The following DPYS variants were observed in gnomAD, a reference collection of about 807,000 sequenced individuals.
The protein encoded by DPYS is dihydropyrimidine amidohydrolase.
DPYS carries 39 observed loss-of-function variants against 50.3 expected under a neutral mutation model. The ratio of observed to expected loss-of-function variants is 0.78; its 90% CI spans 0.60 to 1.01. DPYS has a LOEUF of 1.01. Among genes scored for constraint, DPYS ranks in the 50% least tolerant of loss-of-function variants. The probability of loss-of-function intolerance (pLI) is 0.00; values close to 1 mark genes in which losing one functional copy is unlikely to be tolerated. For synonymous variants in DPYS, 245 were observed against 250.7 expected (o/e 0.98, Z 0.22); for missense variants, 659 against 680.9 (o/e 0.97, Z 0.36).
chr8:104,389,546 T>TTA (rs10658511), intron 8 of DPYS, among the ~76,000 whole-genome samples: 7,190 of 152,036 alleles, frequency 0.047, 458 homozygotes, highest in African/African-American at 0.15. Context: ...TTTATTTTTT[T>TTA]TTTTTTGTCT....
At chr8:104,427,224 T>G (rs1198426749) in intron 6 of DPYS, among the ~76,000 whole-genome samples, 1 of 147,194 alleles carries the variant, frequency 6.8e-6, no homozygotes, top group African/African-American at 2.5e-5. Flanking sequence ...AAAAAAGAAC[T>G]GACATCAACA....
intron 4 of DPYS, among the ~76,000 whole-genome samples, chr8:104,433,987 C>T (rs1813041880): frequency 6.6e-6 from 1 of 152,130 alleles, no homozygotes; most frequent in Non-Finnish European, 1.5e-5. Context: ...TAACCAATGG[C>T]CTATGACACA....
chr8:104,416,938 C>T (rs1462398131), intron 7 of DPYS, among the ~76,000 whole-genome samples: 3 of 152,038 alleles, frequency 2.0e-5, no homozygotes, highest in Non-Finnish European at 4.4e-5. Flanking sequence ...ACAAAAGGCC[C>T]CCTCTAGAAT....
At chr8:104,448,892 A>G (rs931995326) in intron 2 of DPYS, among the ~76,000 whole-genome samples, 1 of 152,102 alleles carries the variant, frequency 6.6e-6, no homozygotes, top group African/African-American at 2.4e-5. Flanking sequence ...GGTGCTTATC[A>G]CCCGGCATAG....
rs375569674 is a variant in DPYS at position 104,441,298 on chromosome 8, T to C, written c.793+2950A>G. 1.6e-4 allele frequency among the ~76,000 whole-genome samples: 24 copies of C among 152,280 alleles called. No homozygotes were observed. The East Asian group carries it at 4.0e-3, about 26-fold the overall frequency. ...AATGTCCCAAAAATTACATATGCAA[T>C]TTGAACCAGCAATCCCACTTCTAGG... On this transcript the variant is annotated intron_variant, in intron 4 of 9. Transcript: ENST00000351513.
intron 8 of DPYS, among the ~76,000 whole-genome samples, chr8:104,389,074 T>G (rs1564078947): frequency 6.6e-6 from 1 of 152,242 alleles, no homozygotes; most frequent in African/African-American, 2.4e-5. Flanking sequence ...GATGCTGCTC[T>G]GAAGGAACTA....
At chr8:104,448,266 C>T (rs948548101) in intron 2 of DPYS, among the ~76,000 whole-genome samples, 42 of 151,988 alleles carry the variant, frequency 2.8e-4, no homozygotes, top group Admixed American at 1.3e-3. Flanking sequence ...AGTGATTCTC[C>T]TGCCTCAGCC....
chr8:104,465,316 G>A (rs1185308207), intron 1 of DPYS, among the ~76,000 whole-genome samples: 1 of 152,074 alleles, frequency 6.6e-6, no homozygotes, highest in East Asian at 1.9e-4. Flanking sequence ...GAGTGATGGA[G>A]AGAAGGAGGG....
At chr8:104,389,404 A>G (rs531750269) in intron 8 of DPYS, among the ~76,000 whole-genome samples, 2 of 152,212 alleles carry the variant, frequency 1.3e-5, no homozygotes, top group Non-Finnish European at 2.9e-5. Context: ...GCCTAATGCC[A>G]TAGGGAACCA....
intron 6 of DPYS, among the ~76,000 whole-genome samples, chr8:104,427,628 C>T (rs11987822): frequency 0.034 from 5,210 of 151,864 alleles, 317 homozygotes; most frequent in African/African-American, 0.12. Flanking sequence ...TGACACATGA[C>T]GCACTGGAAT....
chr8:104,441,418 T>C (rs1483432750), intron 4 of DPYS, among the ~76,000 whole-genome samples: 6 of 152,166 alleles, frequency 3.9e-5, no homozygotes, highest in Admixed American at 1.3e-4. Flanking sequence ...AATATGTTAC[T>C]TTACATGGCA....
intron 7 of DPYS, among the ~76,000 whole-genome samples, chr8:104,423,597 G>C (rs1215798427): frequency 6.6e-6 from 1 of 152,136 alleles, no homozygotes; most frequent in East Asian, 1.9e-4. Context: ...TCTCCACTAC[G>C]ACTGCAAAAT....
chr8:104,393,588 G>T (rs561127926), intron 7 of DPYS, among the ~76,000 whole-genome samples: 1 of 152,268 alleles, frequency 6.6e-6, no homozygotes, highest in East Asian at 1.9e-4. Flanking sequence ...AATAAAATAC[G>T]TTGGAATATA....
intron 7 of DPYS, among the ~76,000 whole-genome samples, chr8:104,408,176 G>A (rs1306207254): frequency 6.6e-6 from 1 of 152,208 alleles, no homozygotes; most frequent in African/African-American, 2.4e-5. Context: ...TTATAAATAT[G>A]ATTCTGACAT....
intron 1 of DPYS, among the ~76,000 whole-genome samples, chr8:104,455,737 C>T (rs1049910178): frequency 2.0e-5 from 3 of 151,986 alleles, no homozygotes; most frequent in Admixed American, 1.3e-4. Flanking sequence ...TAACATGCTT[C>T]GGAACATACC....
At chr8:104,441,789 T>C (rs951078003) in intron 4 of DPYS, among the ~76,000 whole-genome samples, 3 of 152,242 alleles carry the variant, frequency 2.0e-5, no homozygotes, top group Admixed American at 1.3e-4. Context: ...GTGGTTTCTC[T>C]TGAAACAGCT....
chr8:104,401,283 G>A (rs1811797030), intron 7 of DPYS, among the ~76,000 whole-genome samples: 1 of 137,242 alleles, frequency 7.3e-6, no homozygotes, highest in East Asian at 2.1e-4. Flanking sequence ...CTTCCTATGA[G>A]GTAGGTATTA....
At chr8:104,383,776 A>G (rs1364135251) in intron 8 of DPYS, among the ~76,000 whole-genome samples, 2 of 151,908 alleles carry the variant, frequency 1.3e-5, no homozygotes, top group South Asian at 2.1e-4. Flanking sequence ...TAATTTTTGT[A>G]TTTTTAGTAG....
At chr8:104,436,604 A>G (rs1813157994) in intron 4 of DPYS, among the ~76,000 whole-genome samples, 1 of 152,160 alleles carries the variant, frequency 6.6e-6, no homozygotes, top group Non-Finnish European at 1.5e-5. Flanking sequence ...CATCTAAAAC[A>G]AAACAAAACA....
Sources: gnomAD v4.1 joint callset for allele counts (sites outside exome capture counted in the v4.1 genomes callset) on GRCh38, gnomAD v4.1.1 for gene constraint, MANE v1.5 for transcripts, NCBI Gene and HGNC (gene_info 2026-07-23, HGNC 2026-07-21) for gene names.